The following PCDHA8 variants were observed in gnomAD, a reference collection of about 807,000 sequenced individuals.
PCDHA8 encodes the protein protocadherin alpha-8.
A neutral mutation model predicts 61.8 loss-of-function variants in PCDHA8; 53 were observed. The ratio of observed to expected loss-of-function variants is 0.86; its 90% CI spans 0.69 to 1.08. The LOEUF (loss-of-function observed/expected upper bound fraction) is 1.08. Among genes scored for constraint, PCDHA8 ranks in the 50% least tolerant of loss-of-function variants. PCDHA8 has a pLI of 0.00. For synonymous variants in PCDHA8, 618 were observed against 556.6 expected (o/e 1.11, Z -1.55); for missense variants, 1,293 against 1,245.0 (o/e 1.04, Z -0.58).
intron 1 of PCDHA8, among the ~76,000 whole-genome samples, chr5:140,947,834 A>G (rs2094182215): frequency 6.6e-6 from 1 of 151,584 alleles, no homozygotes; most frequent in Non-Finnish European, 1.5e-5. Flanking sequence ...CAATATTAAT[A>G]TTTGTTTATT....
In PCDHA8 at chr5:140,986,535, G is replaced by A. The variant is rs552843991; in HGVS notation, c.2542+3972G>A. Among the ~76,000 whole-genome samples, 134 of 152,300 alleles carry A rather than the reference G, an allele frequency of 8.8e-4. 1 individual carries two copies. Among genetic ancestry groups the A allele is most frequent in the Non-Finnish European group, 1.4e-3 (98 of 68,024 alleles). Reference sequence around the variant, plus strand: ...CCCTGCCTGTGAGGGAACTGGCCTGGCTTCAGTGGGCCAGGCTGCTTTGTT... The same window carrying A: ...CCCTGCCTGTGAGGGAACTGGCCTGACTTCAGTGGGCCAGGCTGCTTTGTT... On this transcript the variant is annotated intron_variant, in intron 3 of 3. Transcript: ENST00000531613.
chr5:140,896,929 G>A (rs2065808653), intron 1 of PCDHA8, among the ~76,000 whole-genome samples: 2 of 152,106 alleles, frequency 1.3e-5, no homozygotes, highest in African/African-American at 4.8e-5. Flanking sequence ...ATCACATCAT[G>A]GAAAATGGAA....
At chr5:140,990,778 T>C (rs2097414170) in intron 3 of PCDHA8, among the ~76,000 whole-genome samples, 1 of 152,208 alleles carries the variant, frequency 6.6e-6, no homozygotes, top group South Asian at 2.1e-4. Flanking sequence ...GGCTCTGTGT[T>C]GGACGATGAA....
intron 1 of PCDHA8, among the ~76,000 whole-genome samples, chr5:140,895,055 A>T (rs1313066261): frequency 2.0e-5 from 3 of 152,118 alleles, no homozygotes; most frequent in Non-Finnish European, 4.4e-5. Flanking sequence ...ATTCTGCTTC[A>T]TATGGACTCA....
chr5:140,850,940 A>G (rs2150503150), intron 1 of PCDHA8: 2 of 1,507,156 alleles, frequency 1.3e-6, no homozygotes, highest in East Asian at 2.3e-5. Context: ...TTCTTGAAAG[A>G]TATTATCGAT....
In PCDHA8 at chr5:140,848,617, A is replaced by G; in HGVS notation, c.2394+4902A>G. The G allele has an allele frequency of 4.4e-6, 7 of 1,593,554 alleles. 2 individuals carry two copies. Among genetic ancestry groups the G allele is most frequent in the Non-Finnish European group, 6.0e-6 (7 of 1,163,964 alleles). On this transcript the variant is annotated intron_variant, in intron 1 of 3. Coordinates refer to ENST00000531613, the MANE Select transcript of PCDHA8 (RefSeq NM_018911.3). Reference sequence around the variant, plus strand: ...TACTCCGTCCCGGAGGAAGCCGAACACGGCACCTTCGTGGGCCGCATCGCG... The same window carrying G: ...TACTCCGTCCCGGAGGAAGCCGAACGCGGCACCTTCGTGGGCCGCATCGCG...
intron 1 of PCDHA8, chr5:140,859,716 A>T (rs2045984140): frequency 1.3e-5 from 2 of 154,266 alleles, no homozygotes. Flanking sequence ...CACCAAAAAA[A>T]AATTGTGGCA....
intron 1 of PCDHA8, among the ~76,000 whole-genome samples, chr5:140,912,293 C>T (rs1231004722): frequency 6.6e-6 from 1 of 152,110 alleles, no homozygotes; most frequent in Admixed American, 6.6e-5. Flanking sequence ...AATACTTTGC[C>T]TCCTGTAATC....
intron 3 of PCDHA8, among the ~76,000 whole-genome samples, chr5:141,006,729 T>A (rs1554260883): frequency 2.0e-5 from 3 of 151,948 alleles, no homozygotes; most frequent in Non-Finnish European, 4.4e-5. Flanking sequence ...AAATGACAGG[T>A]CTTGATGATG....
At chr5:140,883,138 A>G (rs967946520) in intron 1 of PCDHA8, 3 of 1,614,120 alleles carry the variant, frequency 1.9e-6, no homozygotes, top group Non-Finnish European at 2.5e-6. Flanking sequence ...CTGCAGTGGT[A>G]TATGCATTTA....
In PCDHA8 at chr5:140,875,437, C is replaced by CTGAT. The variant is rs782126939; in HGVS notation, c.2394+31725_2394+31728dup. The stretch of plus-strand genomic sequence containing the variant: ...ACCTCAGGCAAGCGATCCCTTAAAA[C>CTGAT]TGATTGTCCCAACTCAGAGGCCCTC... On this transcript the variant is annotated intron_variant, in intron 1 of 3. Transcript: ENST00000531613. 4 of 1,565,778 alleles carry CTGAT rather than the reference C, an allele frequency of 2.6e-6. No homozygotes were observed. In the South Asian group the frequency reaches 3.6e-5, roughly 14 times the overall value.
chr5:140,894,971 G>A (rs1231249838), intron 1 of PCDHA8, among the ~76,000 whole-genome samples: 1 of 152,010 alleles, frequency 6.6e-6, no homozygotes, highest in African/African-American at 2.4e-5. Context: ...ATTTTTTAAT[G>A]TCTTACTTTG....
Position 140,850,613 on chromosome 5 carries a change from G to A in PCDHA8, c.2394+6898G>A. 4.4e-6 allele frequency: 7 copies of A among 1,598,580 alleles called. 1 individual carries two copies. The highest frequency in any genetic ancestry group is 6.0e-6 in the Non-Finnish European group (7 of 1,167,886). ...TGTACCTGATCATCGCCATCTGCGC[G>A]GTGTCTAGCCTGTTGGTTCTCACGC... On this transcript the variant is annotated intron_variant, in intron 1 of 3. Coordinates refer to ENST00000531613, the MANE Select transcript of PCDHA8 (RefSeq NM_018911.3).
At chr5:140,977,043 T>G (rs2096743110) in intron 1 of PCDHA8, among the ~76,000 whole-genome samples, 1 of 152,226 alleles carries the variant, frequency 6.6e-6, no homozygotes. Flanking sequence ...AGGATGTTGT[T>G]GCTGATGGAC....
chr5:141,004,124 C>T (rs1225012224), intron 3 of PCDHA8, among the ~76,000 whole-genome samples: 1 of 152,202 alleles, frequency 6.6e-6, no homozygotes, highest in Non-Finnish European at 1.5e-5. Context: ...GGAGTATCTC[C>T]ATGATTCTGC....
At position 140,848,191 on chromosome 5, in the gene PCDHA8, G is replaced by A. The variant is rs1210714904; in HGVS notation, c.2394+4476G>A. On this transcript the variant is annotated intron_variant, in intron 1 of 3. Transcript: ENST00000531613. ...TCCAGCAAGAGAAACGGGATCTTCTGTTTCAACAATCATTACTTAAGAAAA... is the reference window on the plus strand; with the variant it reads ...TCCAGCAAGAGAAACGGGATCTTCTATTTCAACAATCATTACTTAAGAAAA... 1.3e-5 allele frequency: 4 copies of A among 297,926 alleles called. No homozygotes were observed. The East Asian group carries it at 2.5e-4, about 18-fold the overall frequency. The allele number at this position is 297,926 out of a possible 1,614,324, so 18.5% of individuals were successfully genotyped here.
intron 1 of PCDHA8, among the ~76,000 whole-genome samples, chr5:140,955,964 A>G (rs148345661): frequency 5.3e-5 from 8 of 152,256 alleles, no homozygotes; most frequent in African/African-American, 1.7e-4. Flanking sequence ...TTGTTTGTGC[A>G]TAGGAATGCT....
intron 1 of PCDHA8, chr5:140,967,561 G>T: frequency 6.2e-7 from 1 of 1,614,076 alleles, no homozygotes; most frequent in Non-Finnish European, 8.5e-7. Flanking sequence ...ATCGCGTCCA[G>T]CTACGGGAGG....
intron 1 of PCDHA8, among the ~76,000 whole-genome samples, chr5:140,844,861 A>G (rs1302890779): frequency 2.7e-5 from 4 of 149,288 alleles, no homozygotes; most frequent in African/African-American, 4.9e-5. Flanking sequence ...ACCTGCCTGG[A>G]TATTAAATAC....
Sources: allele counts gnomAD v4.1 joint callset (sites outside exome capture counted in the v4.1 genomes callset), GRCh38; gene constraint gnomAD v4.1.1; transcripts MANE v1.5; gene names NCBI Gene and HGNC (gene_info 2026-07-23, HGNC 2026-07-21).